The following DSC1 variants were observed in gnomAD, a reference collection of about 807,000 sequenced individuals.
DSC1 encodes the protein desmocollin-1.
DSC1 carries 79 observed loss-of-function variants against 98.8 expected under a neutral mutation model. The ratio of observed to expected loss-of-function variants is 0.80; its 90% CI spans 0.67 to 0.96. The LOEUF (loss-of-function observed/expected upper bound fraction) is 0.96, where lower values mean the gene tolerates loss of function less well. Among genes scored for constraint, DSC1 ranks in the 50% least tolerant of loss-of-function variants. The pLI is 0.00. For synonymous variants in DSC1, 405 were observed against 372.1 expected, an observed-to-expected ratio of 1.09 and a Z score of -1.02; for missense variants, 1,115 against 1,075.9, an observed-to-expected ratio of 1.04 and a Z score of -0.51.
In DSC1 at chr18:31,154,925, T is replaced by C; in HGVS notation, c.476A>G (p.Gln159Arg). 15 of 1,613,262 alleles carry C rather than the reference T, an allele frequency of 9.3e-6. No individual in the cohort carries two copies. Among genetic ancestry groups the C allele is most frequent in the Non-Finnish European group, 1.3e-5 (15 of 1,179,778 alleles). The change falls in exon 5 of 16, where the codon CAA (glutamine) becomes CGA (arginine). Residue 159 changes from glutamine (Q) to arginine (R), a missense_variant. By Grantham distance (43) the Gln-to-Arg change is conservative. Coordinates refer to ENST00000257198, the MANE Select transcript of DSC1 (RefSeq NM_024421.2). ...GPFPQHVQQIQSDAAQNYTIF... is the reference protein window; with the variant it reads ...GPFPQHVQQIRSDAAQNYTIF... Reference sequence around the variant, plus strand: ...GGTGTAATTCTGTGCAGCATCAGATTGGATCTGCAGTAATAATTTAGGAAT... The same window carrying C: ...GGTGTAATTCTGTGCAGCATCAGATCGGATCTGCAGTAATAATTTAGGAAT...
chr18:31,141,924 A>G, intron 9 of DSC1, 75 bp downstream of exon 9: 2 of 1,425,956 alleles, frequency 1.4e-6, no homozygotes, highest in East Asian at 2.3e-5. Flanking sequence ...TCATATACAT[A>G]TAAGAATTAT....
Position 31,150,304 on chromosome 18 carries a change from CACCACCACTACTACCATCAT to C in DSC1, c.628-1682_628-1663del, listed in dbSNP as rs1438898597. 1.0e-3 allele frequency among the ~76,000 whole-genome samples: 139 copies of C among 138,302 alleles called. 13 individuals carry two copies. Among genetic ancestry groups the C allele is most frequent in the East Asian group, 4.9e-3 (18 of 3,650 alleles). The allele number at this position is 138,302 out of a possible 152,430, so 90.7% of individuals were successfully genotyped here. ...TCACCACCACCACCACTACCATCATCACCACCACTACTACCATCATCACCACCACCACTACCATCACCACC... is the reference window on the plus strand; with the variant it reads ...TCACCACCACCACCACTACCATCATCCACCACCACCACTACCATCACCACC... On this transcript the variant is annotated intron_variant, in intron 5 of 15. Transcript: ENST00000257198.
chr18:31,139,940 A>G (rs775984771), intron 10 of DSC1, 50 bp from the exon 11 acceptor site: 4 of 1,564,778 alleles, frequency 2.6e-6, no homozygotes, highest in Admixed American at 2.0e-5. Context: ...AAGGGACATG[A>G]TCTTAAAATC....
chr18:31,162,632 A>C lies in DSC1; in HGVS notation c.-38T>G. Reference sequence around the variant, plus strand: ...CAATGGCCAGGGACGGTGGCCAGATAACAGGGCAGCCTGGGATGCACAGAG... The same window carrying C: ...CAATGGCCAGGGACGGTGGCCAGATCACAGGGCAGCCTGGGATGCACAGAG... On this transcript the variant is annotated 5_prime_UTR_variant, in exon 1 of 16. Coordinates refer to ENST00000257198, the MANE Select transcript of DSC1 (RefSeq NM_024421.2). The C allele has an allele frequency of 6.3e-7, 1 of 1,594,738 alleles. No individual in the cohort carries two copies. Among genetic ancestry groups the C allele is most frequent in the East Asian group, 2.2e-5 (1 of 44,760 alleles).
chr18:31,132,865 A>C (rs1053524640), intron 13 of DSC1, among the ~76,000 whole-genome samples, 176 bp from the exon 14 acceptor site: 3 of 152,182 alleles, frequency 2.0e-5, no homozygotes, highest in Non-Finnish European at 4.4e-5. Flanking sequence ...TGTAGCTTAG[A>C]GAGATTAATA....
intron 5 of DSC1, among the ~76,000 whole-genome samples, chr18:31,150,278 AT>A (rs1450416212): frequency 1.7e-5 from 2 of 120,300 alleles, no homozygotes; most frequent in South Asian, 2.9e-4. Context: ...CACCACTACC[AT>A]CACCACCACC....
intron 7 of DSC1, among the ~76,000 whole-genome samples, chr18:31,145,065 G>A (rs977587083): frequency 2.7e-5 from 4 of 150,208 alleles, no homozygotes; most frequent in Non-Finnish European, 5.9e-5. Context: ...TCAGCCTCCT[G>A]AGTAGCTGGG....
rs989463220 is a variant in DSC1, at chr18:31,162,801, A to G, written c.-207T>C. ...ATTTCTTTCCCCCTATTCCCTGGCC[A>G]GTCTCCTTCCTTCCAGTTCAATTAC... On this transcript the variant is annotated 5_prime_UTR_variant, in exon 1 of 16. Transcript: ENST00000257198. 1.8e-6 allele frequency: 1 copy of G among 557,908 alleles called. No homozygotes were observed. The highest frequency in any genetic ancestry group is 3.2e-6 in the Non-Finnish European group (1 of 311,912). The allele number at this position is 557,908 out of a possible 1,614,324, so 34.6% of individuals were successfully genotyped here.
intron 5 of DSC1, among the ~76,000 whole-genome samples, chr18:31,154,439 A>G (rs1344181450): frequency 6.6e-6 from 1 of 152,126 alleles, no homozygotes; most frequent in African/African-American, 2.4e-5. Context: ...ATGACTTATA[A>G]TGTACAGCCA....
chr18:31,157,299 A>T, intron 3 of DSC1, 72 bp downstream of exon 3: 1 of 1,470,740 alleles, frequency 6.8e-7, no homozygotes, highest in Non-Finnish European at 9.3e-7. Flanking sequence ...GAAACACGTT[A>T]AAACACATGA....
intron 11 of DSC1, among the ~76,000 whole-genome samples, chr18:31,135,567 C>T (rs1299446676): frequency 1.3e-5 from 2 of 152,052 alleles, no homozygotes; most frequent in Non-Finnish European, 2.9e-5. Flanking sequence ...TTGAATAAGC[C>T]AGAAAAATAA....
Position 31,143,390 on chromosome 18 carries a change from ATAAAAT to A in DSC1, c.1074+261_1074+266del, listed in dbSNP as rs771257612. On this transcript the variant is annotated intron_variant, in intron 8 of 15. Transcript: ENST00000257198. ...CTTAACACCAAAAAAATAAAATAAA[ATAAAAT>A]AAAAGTTTAACACATGAGCTACGTC... is the stretch of plus-strand genomic sequence containing the variant. Among the ~76,000 whole-genome samples, 6 of 149,478 alleles carry A rather than the reference ATAAAAT, an allele frequency of 4.0e-5. 1 individual carries two copies. Among genetic ancestry groups the A allele is most frequent in the Admixed American group, 6.8e-5 (1 of 14,782 alleles).
At chr18:31,134,840 C>A in intron 11 of DSC1, 56 bp from the exon 12 acceptor site, 1 of 1,484,510 alleles carries the variant, frequency 6.7e-7, no homozygotes, top group African/African-American at 1.4e-5. Flanking sequence ...TTATTTTCAA[C>A]AATTTATAAA....
rs552216799 is a variant in DSC1, at chr18:31,134,691, T to C, written c.1757A>G (p.Asn586Ser). The C allele has an allele frequency of 1.9e-5, 31 of 1,613,254 alleles. No individual in the cohort carries two copies. The South Asian group carries it at 3.3e-4, about 17-fold the overall frequency. ...TTTCAGAACAGCAAAATCCTCATTATTCTGACAAATGGTCACTTCTTTGTC... is the reference window on the plus strand; with the variant it reads ...TTTCAGAACAGCAAAATCCTCATTACTCTGACAAATGGTCACTTCTTTGTC... The part of the protein sequence containing the change: ...QIDKEVTICQ[N>S]NEDFAVLKPV... The change falls in exon 12 of 16, where the codon AAT (asparagine) becomes AGT (serine). Residue 586 changes from asparagine to serine, a missense_variant. By Grantham distance (46) the Asn-to-Ser change is conservative. Transcript: ENST00000257198.
In DSC1 at chr18:31,162,576, C is replaced by G. The variant is rs769497926; in HGVS notation, c.19G>C (p.Ala7Pro). The G allele has an allele frequency of 1.1e-5, 17 of 1,614,008 alleles. No individual in the cohort carries two copies. The highest frequency in any genetic ancestry group is 1.4e-5 in the Non-Finnish European group (17 of 1,180,012). MALASA[A>P]PGSIFCKQLL... is the part of the protein sequence containing the mutation. ...TGCTTACAGAAGATGCTCCCTGGGGCAGCAGAGGCCAGAGCCATCAGAAGC... is the reference window on the plus strand; with the variant it reads ...TGCTTACAGAAGATGCTCCCTGGGGGAGCAGAGGCCAGAGCCATCAGAAGC... The change falls in exon 1 of 16, where the codon GCC (alanine) becomes CCC (proline). Residue 7 changes from alanine (A) to proline (P), a missense_variant. Transcript: ENST00000257198.
chr18:31,134,032 TA>T lies in DSC1; in HGVS notation c.1974del (p.His658GlnfsTer3). The stretch of plus-strand genomic sequence containing the variant: ...CAGTCACATACTCTCACTGTTAACA[TA>T]TGTGTTGCAACTAAACCATGCCTGT... ...IKDRHGLVAT[H>X]MLTVRVCDCS... On this transcript the variant is annotated frameshift_variant, in exon 13 of 16. Coordinates refer to ENST00000257198, the MANE Select transcript of DSC1 (RefSeq NM_024421.2). LOFTEE classifies it high-confidence loss of function. The T allele has an allele frequency of 6.2e-7, 1 of 1,613,038 alleles. No individual in the cohort carries two copies. The highest frequency in any genetic ancestry group is 8.5e-7 in the Non-Finnish European group (1 of 1,179,614).
At chr18:31,148,048 G>C (rs1231194255) in intron 6 of DSC1, among the ~76,000 whole-genome samples, 2 of 152,072 alleles carry the variant, frequency 1.3e-5, no homozygotes, top group Non-Finnish European at 2.9e-5. Flanking sequence ...TAAATCCCCT[G>C]TAATATTCTC....
intron 3 of DSC1, among the ~76,000 whole-genome samples, chr18:31,156,500 C>A (rs1989101290): frequency 6.6e-6 from 1 of 152,078 alleles, no homozygotes; most frequent in Non-Finnish European, 1.5e-5. Context: ...CTGGCACAAC[C>A]AAAATCTGTT....
At chr18:31,132,740 T>C (rs919796804) in intron 13 of DSC1, 51 bp from the exon 14 acceptor site, 2 of 1,533,358 alleles carry the variant, frequency 1.3e-6, no homozygotes, top group African/African-American at 2.8e-5. Context: ...ATCATTTGAT[T>C]ACATGATTTT....
Sources: gnomAD v4.1 joint callset for allele counts (sites outside exome capture counted in the v4.1 genomes callset) on GRCh38, gnomAD v4.1.1 for gene constraint, MANE v1.5 for transcripts, NCBI Gene and HGNC (gene_info 2026-07-23, HGNC 2026-07-21) for gene names.